Variants in AXDND1 observed in about 807,000 individuals in gnomAD.
AXDND1 encodes axonemal dynein light chain domain-containing protein 1.
Under a neutral mutation model 137.5 loss-of-function variants are expected in AXDND1, and 110 were observed. The observed-to-expected ratio is 0.80, with a 90% CI of 0.69 to 0.94. AXDND1 has a LOEUF of 0.94. Among genes scored for constraint, AXDND1 ranks in the 40% least tolerant of loss-of-function variants. The pLI, the probability that AXDND1 is intolerant of heterozygous loss-of-function variation, is 0.00. For missense variants in AXDND1, 1,191 were observed against 1,169.8 expected (o/e 1.02, Z -0.26); for synonymous variants, 414 against 399.7 (o/e 1.04, Z -0.43).
intron 16 of AXDND1, among the ~76,000 whole-genome samples, chr1:179,458,114 C>T (rs1661685958): frequency 6.6e-6 from 1 of 151,846 alleles, no homozygotes; most frequent in Admixed American, 6.6e-5. Context: ...CTCAGCCTCT[C>T]AGGTAGCTGG....
chr1:179,413,214 C>T (rs966150917), intron 12 of AXDND1, among the ~76,000 whole-genome samples: 5 of 152,052 alleles, frequency 3.3e-5, no homozygotes, highest in Non-Finnish European at 7.4e-5. Context: ...AACATATCCA[C>T]ATTAACTGTT....
intron 17 of AXDND1, among the ~76,000 whole-genome samples, chr1:179,471,201 G>A (rs1189839052): frequency 6.6e-6 from 1 of 152,122 alleles, no homozygotes; most frequent in Non-Finnish European, 1.5e-5. Flanking sequence ...TTCCTGTGAT[G>A]TCTTCGCCTG....
At chr1:179,377,773 G>T (rs1647524289) in intron 4 of AXDND1, among the ~76,000 whole-genome samples, 1 of 152,208 alleles carries the variant, frequency 6.6e-6, no homozygotes, top group Non-Finnish European at 1.5e-5. Flanking sequence ...AGTTTCAGAA[G>T]AGAGGTATGG....
At chr1:179,374,132 GA>G (rs1028461815) in intron 4 of AXDND1, among the ~76,000 whole-genome samples, 6 of 151,884 alleles carry the variant, frequency 4.0e-5, no homozygotes, top group African/African-American at 1.5e-4. Flanking sequence ...AAATTTACAA[GA>G]AAAAAACAAC....
chr1:179,486,139 A>AAAAAACAAAAAAAAAAAACT (rs149119239), intron 18 of AXDND1, among the ~76,000 whole-genome samples: 1 of 87,770 alleles, frequency 1.1e-5, no homozygotes, highest in Non-Finnish European at 2.3e-5. Flanking sequence ...AAAAAAAAAA[A>AAAAAACAAAAAAAAAAAACT]AACCTGATAG....
intron 20 of AXDND1, 45 bp from the exon 21 acceptor site, chr1:179,509,251 T>C: frequency 7.7e-7 from 1 of 1,293,172 alleles, no homozygotes. Flanking sequence ...GGTGAGTGAA[T>C]AAATGAGCTG....
chr1:179,514,651 C>A (rs1393816487), intron 21 of AXDND1, among the ~76,000 whole-genome samples: 3 of 152,120 alleles, frequency 2.0e-5, no homozygotes, highest in Non-Finnish European at 4.4e-5. Context: ...CTGTCTAGTG[C>A]TGTCAGTGGA....
chr1:179,424,140 C>CGTTT (rs145677984), intron 12 of AXDND1, among the ~76,000 whole-genome samples: 1 of 151,472 alleles, frequency 6.6e-6, no homozygotes, highest in African/African-American at 2.4e-5. Context: ...GGGTTTTGTT[C>CGTTT]GTTTGTTTGT....
chr1:179,464,787 A>G (rs140827372), intron 16 of AXDND1, among the ~76,000 whole-genome samples: 6,950 of 152,164 alleles, frequency 0.046, 239 homozygotes, highest in Non-Finnish European at 0.069. Flanking sequence ...ACATAGTCGC[A>G]TATTTCTTGG....
At chr1:179,428,902 G>A (rs1297429041) in intron 12 of AXDND1, among the ~76,000 whole-genome samples, 1 of 152,156 alleles carries the variant, frequency 6.6e-6, no homozygotes, top group East Asian at 1.9e-4. Flanking sequence ...CTTTCTGCCG[G>A]GCGTGGTGGC....
intron 9 of AXDND1, among the ~76,000 whole-genome samples, chr1:179,387,911 T>C (rs1441861154): frequency 6.6e-6 from 1 of 152,214 alleles, no homozygotes; most frequent in Non-Finnish European, 1.5e-5. Flanking sequence ...TGATCAGTAC[T>C]TAGCTGAACA....
intron 17 of AXDND1, among the ~76,000 whole-genome samples, chr1:179,479,634 G>T (rs555956857): frequency 6.6e-6 from 1 of 151,952 alleles, no homozygotes; most frequent in African/African-American, 2.4e-5. Flanking sequence ...AAAATTAGCT[G>T]GGCATGGTGG....
At chr1:179,410,665 T>C (rs1653732650) in intron 11 of AXDND1, among the ~76,000 whole-genome samples, 1 of 152,242 alleles carries the variant, frequency 6.6e-6, no homozygotes, top group South Asian at 2.1e-4. Context: ...CAATTTTCTT[T>C]AATCTTGTAC....
chr1:179,527,616 G>A (rs1240254398), intron 22 of AXDND1, among the ~76,000 whole-genome samples: 1 of 152,144 alleles, frequency 6.6e-6, no homozygotes, highest in East Asian at 1.9e-4. Flanking sequence ...TATTCTTAGT[G>A]TTAATATCCT....
intron 12 of AXDND1, among the ~76,000 whole-genome samples, chr1:179,418,948 C>G (rs964519171): frequency 6.6e-6 from 1 of 151,554 alleles, no homozygotes; most frequent in Non-Finnish European, 1.5e-5. Flanking sequence ...GGGGTCGCCG[C>G]CGGGCAGAGG....
At chr1:179,480,392 T>C (rs1037734945) in intron 17 of AXDND1, among the ~76,000 whole-genome samples, 1 of 152,162 alleles carries the variant, frequency 6.6e-6, no homozygotes, top group Non-Finnish European at 1.5e-5. Flanking sequence ...TCATTAGACT[T>C]ATTCACTACC....
At chr1:179,552,497 T>C (rs1293777719) in intron 25 of AXDND1, 1 of 861,056 alleles carries the variant, frequency 1.2e-6, no homozygotes, top group Non-Finnish European at 1.9e-6. Context: ...CCAAGACAGC[T>C]TCTGCCCAGT....
At chr1:179,366,646 C>A in intron 2 of AXDND1, 40 bp downstream of exon 2, 1 of 1,517,366 alleles carries the variant, frequency 6.6e-7, no homozygotes, top group Non-Finnish European at 9.1e-7. Context: ...CAGTCATGGC[C>A]GTAAGACAGA....
At chr1:179,534,674 A>G (rs977041392) in intron 24 of AXDND1, 56 bp from the exon 25 acceptor site, 1 of 1,519,388 alleles carries the variant, frequency 6.6e-7, no homozygotes, top group Admixed American at 2.4e-5. Flanking sequence ...GAGTTTCGAA[A>G]TCAAAAATAC....
Sources: gnomAD v4.1 joint callset for allele counts (sites outside exome capture counted in the v4.1 genomes callset) on GRCh38, gnomAD v4.1.1 for gene constraint, MANE v1.5 for transcripts, NCBI Gene and HGNC (gene_info 2026-07-23, HGNC 2026-07-21) for gene names.